SYT16: variants seen among roughly 807,000 people sequenced by gnomAD.
The protein encoded by SYT16 is synaptotagmin-16.
SYT16 carries 42 observed loss-of-function variants against 61.4 expected under a neutral mutation model. That is an observed-to-expected ratio of 0.68 (90% CI 0.53 to 0.89). The LOEUF is 0.89. SYT16 is among the 40% of genes least tolerant of loss of function. The pLI is 0.00. For synonymous variants in SYT16, 314 were observed against 302.3 expected, an observed-to-expected ratio of 1.04 and a Z score of -0.40; for missense variants, 804 against 807.3, an observed-to-expected ratio of 1.00 and a Z score of 0.05.
intron 2 of SYT16, among the ~76,000 whole-genome samples, chr14:61,990,592 A>G (rs1265548883): frequency 6.6e-6 from 1 of 152,192 alleles, no homozygotes; most frequent in Non-Finnish European, 1.5e-5. Flanking sequence ...TCCAGGAGTT[A>G]GTTGATAATC....
At chr14:62,043,407 CTT>C (rs1203186408) in intron 3 of SYT16, among the ~76,000 whole-genome samples, 8 of 122,542 alleles carry the variant, frequency 6.5e-5, no homozygotes, top group Admixed American at 8.8e-5. Context: ...ATTTTTCTTT[CTT>C]TTTTTTTTTT....
At chr14:62,097,293 T>C (rs2057301998) in intron 7 of SYT16, among the ~76,000 whole-genome samples, 2 of 152,124 alleles carry the variant, frequency 1.3e-5, no homozygotes, top group Non-Finnish European at 2.9e-5. Flanking sequence ...TTGCTAATGG[T>C]TCTGAGTTAC....
At chr14:62,049,024 A>G (rs1312020893) in intron 3 of SYT16, among the ~76,000 whole-genome samples, 5 of 151,986 alleles carry the variant, frequency 3.3e-5, no homozygotes, top group Non-Finnish European at 5.9e-5. Flanking sequence ...CAATTCCTGG[A>G]TATCCTTGTG....
intron 5 of SYT16, among the ~76,000 whole-genome samples, chr14:62,078,159 A>C (rs143458574): frequency 0.03 from 4,143 of 137,776 alleles, 96 homozygotes; most frequent in East Asian, 0.13. Context: ...CTCTCTCTAT[A>C]TATATATATA....
chr14:61,870,044 A>G (rs1370684820), intron 1 of SYT16, among the ~76,000 whole-genome samples: 2 of 152,336 alleles, frequency 1.3e-5, no homozygotes, highest in South Asian at 2.1e-4. Flanking sequence ...GAAAAAATTT[A>G]TATCTAGTCA....
intron 1 of SYT16, among the ~76,000 whole-genome samples, chr14:61,820,039 C>A (rs1003851068): frequency 6.6e-6 from 1 of 152,188 alleles, no homozygotes; most frequent in African/African-American, 2.4e-5. Context: ...GGTGCCTAGT[C>A]ATTGATTCCA....
At chr14:62,039,834 TACACACACACACACACAC>T (rs71449576) in intron 3 of SYT16, among the ~76,000 whole-genome samples, 33 of 124,424 alleles carry the variant, frequency 2.7e-4, no homozygotes, top group African/African-American at 7.3e-4. Flanking sequence ...GGCTTAAGCA[TACACACACACACACACAC>T]ACACACACAC....
chr14:62,069,320 C>A (rs2056198747), intron 3 of SYT16, among the ~76,000 whole-genome samples: 1 of 152,186 alleles, frequency 6.6e-6, no homozygotes, highest in Non-Finnish European at 1.5e-5. Context: ...AGCAGGGCTG[C>A]CTGGCTCAAC....
intron 4 of SYT16, among the ~76,000 whole-genome samples, chr14:62,073,049 A>G (rs2056357808): frequency 6.6e-6 from 1 of 152,094 alleles, no homozygotes; most frequent in African/African-American, 2.4e-5. Context: ...GGAAAGGTGA[A>G]TCACCTTTCC....
At chr14:62,012,007 A>C (rs1237566248) in intron 3 of SYT16, among the ~76,000 whole-genome samples, 1 of 117,350 alleles carries the variant, frequency 8.5e-6, no homozygotes, top group Non-Finnish European at 1.8e-5. Context: ...ATGTTAAAAA[A>C]AAAACAACCT....
chr14:61,841,296 T>C (rs1175702195), intron 1 of SYT16, among the ~76,000 whole-genome samples: 1 of 152,248 alleles, frequency 6.6e-6, no homozygotes, highest in African/African-American at 2.4e-5. Context: ...GATACATTTA[T>C]AGCTATGTTC....
At chr14:61,975,517 C>G (rs2051750898) in intron 2 of SYT16, among the ~76,000 whole-genome samples, 1 of 152,182 alleles carries the variant, frequency 6.6e-6, no homozygotes, top group African/African-American at 2.4e-5. Flanking sequence ...GAGGGGGAGA[C>G]AGGAGCCTTC....
intron 1 of SYT16, among the ~76,000 whole-genome samples, chr14:61,878,987 G>A (rs1055421775): frequency 6.6e-6 from 1 of 152,118 alleles, no homozygotes; most frequent in African/African-American, 2.4e-5. Flanking sequence ...GAGAGTGTTG[G>A]CTCTAAACCC....
chr14:61,843,776 T>C lies in SYT16; in HGVS notation c.-325+30966T>C, dbSNP rs116808561. ...CCACTGGTGTATGCATCTGCTCTTA[T>C]GCCAGTATCATGGTGTTTTGGTTAG... On this transcript the variant is annotated intron_variant, in intron 1 of 7. Transcript: ENST00000683842. Among the ~76,000 whole-genome samples the C allele has an allele frequency of 6.5e-3, 983 of 152,340 alleles. 6 individuals carry two copies. The highest frequency in any genetic ancestry group is 0.023 in the African/African-American group (937 of 41,580).
At chr14:62,016,672 C>T (rs1400221675) in intron 3 of SYT16, among the ~76,000 whole-genome samples, 2 of 151,854 alleles carry the variant, frequency 1.3e-5, no homozygotes, top group Non-Finnish European at 2.9e-5. Flanking sequence ...GAGATCACAC[C>T]ACTGCACTCC....
chr14:61,886,611 C>A (rs562034746), intron 1 of SYT16, among the ~76,000 whole-genome samples: 1 of 152,210 alleles, frequency 6.6e-6, no homozygotes, highest in Non-Finnish European at 1.5e-5. Flanking sequence ...TCATTCAGAT[C>A]TTTAGGCTCC....
At chr14:61,890,500 A>G (rs1488358290) in intron 1 of SYT16, among the ~76,000 whole-genome samples, 1 of 42,432 alleles carries the variant, frequency 2.4e-5, no homozygotes, top group African/African-American at 1.1e-4. Flanking sequence ...CTTCATGACA[A>G]AAAAAAAAAA....
intron 1 of SYT16, among the ~76,000 whole-genome samples, chr14:61,957,520 T>C (rs1395519328): frequency 6.6e-6 from 1 of 152,020 alleles, no homozygotes; most frequent in African/African-American, 2.4e-5. Flanking sequence ...CGAGACAATG[T>C]TGAATTTTGT....
chr14:62,004,099 C>T (rs1182147133), intron 3 of SYT16, among the ~76,000 whole-genome samples: 1 of 152,166 alleles, frequency 6.6e-6, no homozygotes, highest in Non-Finnish European at 1.5e-5. Flanking sequence ...GCTATAAAGA[C>T]ATACCGGAGA....
Sources: gnomAD v4.1 joint callset for allele counts (sites outside exome capture counted in the v4.1 genomes callset) on GRCh38, gnomAD v4.1.1 for gene constraint, MANE v1.5 for transcripts, NCBI Gene and HGNC (gene_info 2026-07-23, HGNC 2026-07-21) for gene names.